ACAP1: variants seen among roughly 807,000 people sequenced by gnomAD.
The protein encoded by ACAP1 is arf-GAP with coiled-coil, ANK repeat and PH domain-containing protein 1.
In ACAP1, 45 loss-of-function variants were observed where a neutral mutation model predicts 98.8. That is an observed-to-expected ratio of 0.46 (90% CI 0.36 to 0.58). The LOEUF (loss-of-function observed/expected upper bound fraction) is 0.58. Ranked by LOEUF, ACAP1 falls within the 20% of genes least tolerant of loss-of-function variation. The pLI is 0.00. For missense variants in ACAP1, 735 were observed against 971.4 expected (o/e 0.76, Z 3.24); for synonymous variants, 362 against 375.3 (o/e 0.96, Z 0.41).
chr17:7,342,072 G>A lies in ACAP1; in HGVS notation c.231+5G>A. 1.2e-6 allele frequency: 2 copies of A among 1,613,748 alleles called. No individual in the cohort carries two copies. The highest frequency in any genetic ancestry group is 2.2e-5 in the East Asian group (1 of 44,870). ...CCACCAGAGCCCATGATGGCGGTAT[G>A]CGGAGGGTCTGCATCTGGGAGGGAA... On this transcript the variant is annotated splice_donor_5th_base_variant and intron_variant, in intron 3 of 21. Transcript: ENST00000158762.
intron 18 of ACAP1, chr17:7,349,636 A>G: frequency 3.1e-6 from 1 of 324,840 alleles, no homozygotes; most frequent in African/African-American, 2.1e-5. Context: ...CGGCCTCCCA[A>G]AGTGCTGGGA....
chr17:7,347,175 C>A lies in ACAP1; in HGVS notation c.1276C>A (p.Pro426Thr). The part of the protein sequence containing the change: ...GNAQCCDCRE[P>T]APEWASINLG... The stretch of plus-strand genomic sequence containing the variant: ...TGCCCAGTGCTGCGACTGCCGGGAG[C>A]CAGCCCCGGAGTGGGCCAGCATCAA... Residue 426 changes from proline to threonine, a missense_variant, in exon 14 of 22, where the codon CCA becomes ACA. Around this residue, in one of 5 missense-constraint regions of ACAP1, gnomAD observed 81 missense variants for 132.0 expected, o/e 0.61. Transcript: ENST00000158762. 3 of 1,614,132 alleles carry A rather than the reference C, an allele frequency of 1.9e-6. No individual in the cohort carries two copies. The highest frequency in any genetic ancestry group is 2.5e-6 in the Non-Finnish European group (3 of 1,180,004).
Position 7,350,373 on chromosome 17 carries a change from G to C in ACAP1, c.2072+136G>C. ...GGCCTCGGAAAGGGGCTGGGCCAGC[G>C]CCGGGGCCAGGCTCGAGAAAGGCTG... On this transcript the variant is annotated intron_variant, in intron 20 of 21. Coordinates refer to ENST00000158762, the MANE Select transcript of ACAP1 (RefSeq NM_014716.4). This position sits in a 1 kb window ranked among gnomAD's most constrained non-coding sequence, Gnocchi z 4.6. 1 of 716,178 alleles carries C rather than the reference G, an allele frequency of 1.4e-6. No individual in the cohort carries two copies. Among genetic ancestry groups the C allele is most frequent in the South Asian group, 1.9e-5 (1 of 53,456 alleles). The allele number at this position is 716,178 out of a possible 1,614,324, so 44.4% of individuals were successfully genotyped here. A position where few individuals can be genotyped will look rare whatever the true frequency, so the allele number is the denominator to read the frequency against.
rs1406838408 is a variant in ACAP1, at chr17:7,344,416, A to C, written c.745-123A>C. 7.8e-6 allele frequency: 6 copies of C among 770,534 alleles called. No individual in the cohort carries two copies. The highest frequency in any genetic ancestry group is 1.3e-5 in the Non-Finnish European group (6 of 476,634). 47.7% of individuals were successfully genotyped at this position (770,534 alleles called of 1,614,324 possible). On this transcript the variant is annotated intron_variant, in intron 9 of 21. Coordinates refer to ENST00000158762, the MANE Select transcript of ACAP1 (RefSeq NM_014716.4). This position sits in a 1 kb window ranked among gnomAD's most constrained non-coding sequence, Gnocchi z 4.9. ...AAAGAACAAGACCCTGTCTCTAAAA[A>C]TAAATTTTAAAAAGTATTTCAAAAA... is the stretch of plus-strand genomic sequence containing the variant.
chr17:7,342,125 T>C, intron 3 of ACAP1, 58 bp downstream of exon 3: 1 of 1,608,868 alleles, frequency 6.2e-7, no homozygotes, highest in Non-Finnish European at 8.5e-7. Context: ...GGTGATGCTG[T>C]GGAAGAGGAG....
intron 2 of ACAP1, 85 bp from the exon 3 acceptor site, chr17:7,341,863 G>C: frequency 6.3e-7 from 1 of 1,583,086 alleles, no homozygotes; most frequent in Non-Finnish European, 8.6e-7. Flanking sequence ...CCCTGGGCAA[G>C]GGGAGAGGAA....
rs2073387005 is a variant in ACAP1 at position 7,349,999 on chromosome 17, G to C, written c.1906G>C (p.Ala636Pro). 6.2e-7 allele frequency: 1 copy of C among 1,613,490 alleles called. No individual in the cohort carries two copies. Among genetic ancestry groups the C allele is most frequent in the Non-Finnish European group, 8.5e-7 (1 of 1,179,576 alleles). ...CCAGAACGGGGCGAACGTGAACCAA[G>C]CGGACAGTGCGGGCCGGGGCCCGCT... The part of the protein sequence containing the change: ...LLQNGANVNQ[A>P]DSAGRGPLHH... Residue 636 changes from alanine to proline, a missense_variant, in exon 19 of 22, where the codon GCG (alanine) becomes CCG (proline). Around this residue, in one of 5 missense-constraint regions of ACAP1, gnomAD observed 142 missense variants for 224.1 expected, o/e 0.63. Coordinates refer to ENST00000158762, the MANE Select transcript of ACAP1 (RefSeq NM_014716.4).
chr17:7,339,874 C>G (rs1194520757), intron 2 of ACAP1, among the ~76,000 whole-genome samples: 1 of 152,096 alleles, frequency 6.6e-6, no homozygotes, highest in African/African-American at 2.4e-5. Context: ...TGTTCTCCAT[C>G]TCTCTACTTT....
chr17:7,347,007 C>T, intron 13 of ACAP1, 24 bp from the exon 14 acceptor site: 1 of 1,568,712 alleles, frequency 6.4e-7, no homozygotes, highest in Non-Finnish European at 8.7e-7. Context: ...CCTTGGCCAC[C>T]CTTTCTTCCC....
chr17:7,348,803 C>A lies in ACAP1; in HGVS notation c.1679-192C>A, dbSNP rs949877132. 24 of 609,948 alleles carry A rather than the reference C, an allele frequency of 3.9e-5. 1 individual carries two copies. The highest frequency in any genetic ancestry group is 2.8e-6 in the Non-Finnish European group (1 of 352,044). The allele number at this position is 609,948 out of a possible 1,614,324, so 37.8% of individuals were successfully genotyped here. On this transcript the variant is annotated intron_variant, in intron 17 of 21. Coordinates refer to ENST00000158762, the MANE Select transcript of ACAP1 (RefSeq NM_014716.4). ...GTGATGATGCCGTCTCTCCCCCACA[C>A]CCTAGGGACTCGTACACATGCATAC... is the stretch of plus-strand genomic sequence containing the variant.
Position 7,347,902 on chromosome 17 carries a change from C to G in ACAP1, c.1344-20C>G, listed in dbSNP as rs1199668570. Reference sequence around the variant, plus strand: ...CTGCCCCCCTGCACAGGGCCTGACCCTCCCCCTCTGGCCCTCCAGGAGCCT... The same window carrying G: ...CTGCCCCCCTGCACAGGGCCTGACCGTCCCCCTCTGGCCCTCCAGGAGCCT... On this transcript the variant is annotated intron_variant, in intron 14 of 21. Transcript: ENST00000158762. 1 of 1,611,258 alleles carries G rather than the reference C, an allele frequency of 6.2e-7. No individual in the cohort carries two copies. The highest frequency in any genetic ancestry group is 8.5e-7 in the Non-Finnish European group (1 of 1,177,558).
At position 7,351,419 on chromosome 17, in the gene ACAP1, C is replaced by T. The variant is rs752143439; in HGVS notation, c.*24C>T. The stretch of plus-strand genomic sequence containing the variant: ...GACCCGAGGCCCACGGGGCCCGCGC[C>T]TGCCTCCCTTCCCCGCCACCGGGCC... On this transcript the variant is annotated 3_prime_UTR_variant, in exon 22 of 22. Transcript: ENST00000158762. The T allele has an allele frequency of 1.3e-6, 2 of 1,563,544 alleles. No homozygotes were observed. Among genetic ancestry groups the T allele is most frequent in the South Asian group, 1.1e-5 (1 of 88,760 alleles).
chr17:7,348,848 C>CA, intron 17 of ACAP1, 147 bp from the exon 18 acceptor site: 1 of 744,872 alleles, frequency 1.3e-6, no homozygotes, highest in Non-Finnish European at 2.2e-6. Context: ...CACATACCCA[C>CA]ACTTGCATCA....
chr17:7,348,396 G>C lies in ACAP1; in HGVS notation c.1599G>C (p.Arg533=). 2 of 1,557,376 alleles carry C rather than the reference G, an allele frequency of 1.3e-6. No individual in the cohort carries two copies. Among genetic ancestry groups the C allele is most frequent in the South Asian group, 2.4e-5 (2 of 83,186 alleles). The change falls in exon 17 of 22, where the codon CGG becomes CGC. Residue 533 remains arginine (R), a synonymous_variant. Coordinates refer to ENST00000158762, the MANE Select transcript of ACAP1 (RefSeq NM_014716.4). Reference sequence around the variant, plus strand: ...AGATTCGAGGGCGAAGAGGTGGCCGGGGGCGCCCAAGGGGGCAGCCTCCTG... The same window carrying C: ...AGATTCGAGGGCGAAGAGGTGGCCGCGGGCGCCCAAGGGGGCAGCCTCCTG... ...LPEIRGRRGG[R]GRPRGQPPVP... is the part of the protein sequence containing the mutation.
Position 7,337,386 on chromosome 17 carries a change from G to A in ACAP1, c.111+17G>A. 1 of 1,613,496 alleles carries A rather than the reference G, an allele frequency of 6.2e-7. No homozygotes were observed. The highest frequency in any genetic ancestry group is 1.1e-5 in the South Asian group (1 of 91,068). On this transcript the variant is annotated intron_variant, in intron 2 of 21. Coordinates refer to ENST00000158762, the MANE Select transcript of ACAP1 (RefSeq NM_014716.4). Reference sequence around the variant, plus strand: ...CTGGAAAAGGTGACCCTGACATGGAGAGGTGACCCAGGAGTGGATTAGGTT... The same window carrying A: ...CTGGAAAAGGTGACCCTGACATGGAAAGGTGACCCAGGAGTGGATTAGGTT...
intron 2 of ACAP1, among the ~76,000 whole-genome samples, chr17:7,341,345 A>G (rs968680726): frequency 2.6e-5 from 4 of 152,252 alleles, no homozygotes; most frequent in Admixed American, 6.5e-5. Flanking sequence ...GGGTTCAAGC[A>G]GTCCTCCTGC....
intron 10 of ACAP1, chr17:7,345,938 G>T (rs1295748809): frequency 3.1e-6 from 1 of 322,410 alleles, no homozygotes; most frequent in African/African-American, 2.2e-5. Context: ...TTACAGGTGT[G>T]AGCCCAGCCT....
Position 7,343,459 on chromosome 17 carries a change from C to G in ACAP1, c.425C>G (p.Ala142Gly). 6.2e-7 allele frequency: 1 copy of G among 1,614,150 alleles called. No homozygotes were observed. The highest frequency in any genetic ancestry group is 8.5e-7 in the Non-Finnish European group (1 of 1,180,026). The part of the protein sequence containing the change: ...ESLEAALTHN[A>G]EVPRRRAQEA... ...CTGGAGGCTGCCCTGACCCACAACG[C>G]AGAGGTTCCCAGGCGCCGGGCCCAG... Residue 142 changes from alanine (A) to glycine (G), a missense_variant, in exon 6 of 22, where the codon GCA becomes GGA. By Grantham distance (60) the Ala-to-Gly change is moderately conservative (BLOSUM62 0). Around this residue, in one of 5 missense-constraint regions of ACAP1, gnomAD observed 430 missense variants for 531.8 expected, o/e 0.81. Coordinates refer to ENST00000158762, the MANE Select transcript of ACAP1 (RefSeq NM_014716.4). The surrounding 1 kb of genome is among the most constrained non-coding windows in gnomAD (Gnocchi z 4.9).
chr17:7,342,546 G>A, intron 5 of ACAP1, 72 bp downstream of exon 5: 3 of 1,533,104 alleles, frequency 2.0e-6, no homozygotes, highest in Non-Finnish European at 1.8e-6. Flanking sequence ...CGGGAGGATT[G>A]CTTGAGCCCA....
Sources: gnomAD v4.1 joint callset for allele counts (sites outside exome capture counted in the v4.1 genomes callset) on GRCh38, gnomAD v4.1.1 for gene constraint, gnomAD v4.1.1 regional missense constraint, Gnocchi (gnomAD v3.1) non-coding constraint, MANE v1.5 for transcripts, NCBI Gene and HGNC (gene_info 2026-07-23, HGNC 2026-07-21) for gene names.